Variants in MCMDC2 observed in about 807,000 individuals in gnomAD.
MCMDC2 encodes minichromosome maintenance domain containing 2.
A neutral mutation model predicts 75.8 loss-of-function variants in MCMDC2; 54 were observed. The ratio of observed to expected loss-of-function variants is 0.71; its 90% CI spans 0.57 to 0.89. The LOEUF (loss-of-function observed/expected upper bound fraction) is 0.89, where lower values mean the gene tolerates loss of function less well. MCMDC2 is among the 40% of genes least tolerant of loss of function. The probability of loss-of-function intolerance (pLI) is 0.00; values close to 1 mark genes in which losing one functional copy is unlikely to be tolerated. For synonymous variants in MCMDC2, 249 were observed against 274.6 expected (o/e 0.91, Z 0.92); for missense variants, 656 against 780.4 (o/e 0.84, Z 1.90).
intron 14 of MCMDC2, among the ~76,000 whole-genome samples, chr8:66,915,461 AAAG>A (rs1813275952): frequency 6.8e-6 from 1 of 147,382 alleles, no homozygotes; most frequent in African/African-American, 2.5e-5. Context: ...CAAAAAAAAA[AAAG>A]TTTTATATAT....
intron 8 of MCMDC2, among the ~76,000 whole-genome samples, chr8:66,882,552 G>A (rs751660231): frequency 2.0e-5 from 3 of 152,028 alleles, no homozygotes; most frequent in Non-Finnish European, 4.4e-5. Flanking sequence ...TTTTAATAGA[G>A]ATGGGGTTTC....
chr8:66,922,036 C>T lies in MCMDC2; in HGVS notation c.*2867C>T, dbSNP rs1170504900. On this transcript the variant is annotated 3_prime_UTR_variant, in exon 15 of 15. Transcript: ENST00000422365. The stretch of plus-strand genomic sequence containing the variant: ...GATGTTATCAACATCAAGTAAAATG[C>T]TCATTTTCATCATTTGCTTCTGTTC... 1 of 153,102 alleles carries T rather than the reference C, an allele frequency of 6.5e-6. No individual in the cohort carries two copies. Among genetic ancestry groups the T allele is most frequent in the Non-Finnish European group, 1.5e-5 (1 of 68,640 alleles). 9.5% of individuals were successfully genotyped at this position (153,102 alleles called of 1,614,324 possible).
chr8:66,915,578 C>T (rs1224373883), intron 14 of MCMDC2, among the ~76,000 whole-genome samples: 1 of 148,682 alleles, frequency 6.7e-6, no homozygotes, highest in Non-Finnish European at 1.5e-5. Context: ...TTCATTCCTA[C>T]TTAAGCAGTG....
chr8:66,891,127 T>G, intron 10 of MCMDC2, 57 bp downstream of exon 10: 1 of 1,359,428 alleles, frequency 7.4e-7, no homozygotes, highest in Non-Finnish European at 1.0e-6. Flanking sequence ...CTCATCCATG[T>G]TGAGATACTT....
At chr8:66,902,313 C>T (rs971185236) in intron 13 of MCMDC2, among the ~76,000 whole-genome samples, 3 of 151,780 alleles carry the variant, frequency 2.0e-5, no homozygotes, top group African/African-American at 7.3e-5. Context: ...ATTGCTTGAG[C>T]CCATCAAGCG....
At chr8:66,885,407 A>G (rs1275396816) in intron 9 of MCMDC2, among the ~76,000 whole-genome samples, 6 of 152,042 alleles carry the variant, frequency 3.9e-5, no homozygotes, top group Admixed American at 6.6e-5. Flanking sequence ...TTTAATTGGA[A>G]ATAATTTTTG....
At position 66,878,809 on chromosome 8, in the gene MCMDC2, T is replaced by G; in HGVS notation, c.605-6T>G. The G allele has an allele frequency of 1.3e-6, 2 of 1,585,098 alleles. No individual in the cohort carries two copies. Among genetic ancestry groups the G allele is most frequent in the South Asian group, 2.3e-5 (2 of 86,666 alleles). On this transcript the variant is annotated splice_polypyrimidine_tract_variant and splice_region_variant and intron_variant, in intron 6 of 14. Coordinates refer to ENST00000422365, the MANE Select transcript of MCMDC2 (RefSeq NM_173518.5). ...TATCTAATTATTTTTTGCTCTTTGC[T>G]TTAAGATAAACAAATAGTTGAAATA... is the stretch of plus-strand genomic sequence containing the variant.
Position 66,890,929 on chromosome 8 carries a change from T to A in MCMDC2, c.1138T>A (p.Phe380Ile). Residue 380 changes from phenylalanine to isoleucine, a missense_variant, in exon 10 of 15, where the codon TTT becomes ATT. Physicochemically the swap from Phe to Ile is conservative, Grantham distance 21. Coordinates refer to ENST00000422365, the MANE Select transcript of MCMDC2 (RefSeq NM_173518.5). ...ACGTCATCTAGTCTCTACTGAAATT[T>A]TTCCCACTCTATCCAGGAATAAGTA... ...GIRHLVSTEI[F>I]PTLSRNKYGT... is the part of the protein sequence containing the mutation. The A allele has an allele frequency of 6.2e-7, 1 of 1,613,886 alleles. No homozygotes were observed. The highest frequency in any genetic ancestry group is 1.1e-5 in the South Asian group (1 of 90,944).
chr8:66,906,050 G>T (rs900926599), intron 14 of MCMDC2, among the ~76,000 whole-genome samples: 2 of 151,030 alleles, frequency 1.3e-5, no homozygotes, highest in Non-Finnish European at 3.0e-5. Context: ...TGATTATCTT[G>T]TATCACCACC....
At chr8:66,901,183 C>T in intron 12 of MCMDC2, 23 bp from the exon 13 acceptor site, 2 of 1,566,024 alleles carry the variant, frequency 1.3e-6, no homozygotes, top group Non-Finnish European at 1.8e-6. Flanking sequence ...GCTTGATTAT[C>T]TTGGATTTTT....
intron 12 of MCMDC2, among the ~76,000 whole-genome samples, chr8:66,898,450 C>A (rs1480946863): frequency 1.3e-5 from 2 of 151,862 alleles, no homozygotes; most frequent in Admixed American, 1.3e-4. Flanking sequence ...CATGGAGTAA[C>A]CCCGTCTCTA....
At chr8:66,874,843 C>T (rs757370261) in intron 4 of MCMDC2, among the ~76,000 whole-genome samples, 6 of 152,086 alleles carry the variant, frequency 3.9e-5, no homozygotes, top group Non-Finnish European at 7.4e-5. Context: ...ACTGCAACCT[C>T]TGCCTCCCGG....
intron 14 of MCMDC2, among the ~76,000 whole-genome samples, chr8:66,907,308 T>C (rs570725171): frequency 3.1e-4 from 47 of 152,246 alleles, no homozygotes; most frequent in Admixed American, 7.2e-4. Flanking sequence ...CTCCCACTTA[T>C]GAATGAGAAT....
chr8:66,875,845 C>G (rs1194034520), intron 4 of MCMDC2, among the ~76,000 whole-genome samples: 1 of 152,128 alleles, frequency 6.6e-6, no homozygotes, highest in East Asian at 1.9e-4. Flanking sequence ...CTAATTGGTC[C>G]TACGTTATAT....
intron 7 of MCMDC2, among the ~76,000 whole-genome samples, chr8:66,879,548 G>A (rs1266300158): frequency 6.6e-6 from 1 of 152,118 alleles, no homozygotes; most frequent in Non-Finnish European, 1.5e-5. Context: ...AGCCAATATC[G>A]TGCCACTGCA....
chr8:66,871,324 A>G (rs1563671229), intron 1 of MCMDC2, among the ~76,000 whole-genome samples: 1 of 152,004 alleles, frequency 6.6e-6, no homozygotes, highest in Non-Finnish European at 1.5e-5. Context: ...ACTTTTCCTC[A>G]TGTCCTTAAC....
At chr8:66,924,093 T>C (rs1161897270), downstream of MCMDC2, among the ~76,000 whole-genome samples, 1 of 152,132 alleles carries the variant, frequency 6.6e-6, no homozygotes, top group African/African-American at 2.4e-5. Flanking sequence ...TTCAGAACTT[T>C]CCTGCACTAC....
chr8:66,879,353 G>C lies in MCMDC2; in HGVS notation c.709+434G>C, dbSNP rs1203810801. 2.6e-5 allele frequency among the ~76,000 whole-genome samples: 4 copies of C among 152,300 alleles called. No homozygotes were observed. In the East Asian group the frequency reaches 5.8e-4, roughly 22 times the overall value. On this transcript the variant is annotated intron_variant, in intron 7 of 14. Coordinates refer to ENST00000422365, the MANE Select transcript of MCMDC2 (RefSeq NM_173518.5). ...CACACCTGTAATCCCAACATTTTGAGAGGCCTAGGATGGTAAATCACCTAA... is the reference window on the plus strand; with the variant it reads ...CACACCTGTAATCCCAACATTTTGACAGGCCTAGGATGGTAAATCACCTAA...
chr8:66,905,075 A>C (rs1436073432), intron 13 of MCMDC2, 151 bp from the exon 14 acceptor site: 2 of 490,510 alleles, frequency 4.1e-6, no homozygotes, highest in Admixed American at 9.4e-5. Flanking sequence ...GGGAAAAAAA[A>C]TCCTTTGAAA....
Sources: allele counts gnomAD v4.1 joint callset (sites outside exome capture counted in the v4.1 genomes callset), GRCh38; gene constraint gnomAD v4.1.1; transcripts MANE v1.5; gene names NCBI Gene and HGNC (gene_info 2026-07-23, HGNC 2026-07-21).